Variants in GK5 observed in about 807,000 individuals in gnomAD.
GK5 encodes the protein glycerol kinase 5, also known as ATP:glycerol 3-phosphotransferase 5.
GK5 carries 39 observed loss-of-function variants against 77.3 expected under a neutral mutation model. That is an observed-to-expected ratio of 0.50 (90% CI 0.39 to 0.66). The LOEUF (loss-of-function observed/expected upper bound fraction) is 0.66. GK5 is among the 30% of genes least tolerant of loss of function. The probability of loss-of-function intolerance (pLI) is 0.00; values close to 1 mark genes in which losing one functional copy is unlikely to be tolerated. For missense variants in GK5, 487 were observed against 633.8 expected (o/e 0.77, Z 2.49); for synonymous variants, 211 against 208.0 (o/e 1.01, Z -0.13).
At position 142,160,426 on chromosome 3, in the gene GK5, A is replaced by G. The variant is rs1169326302; in HGVS notation, c.*5196T>C. ...ACTTAAAGTCAAAGAACTCCAGGGT[A>G]TATCTACATCTCTCCTCAAATAATT... On this transcript the variant is annotated 3_prime_UTR_variant, in exon 16 of 16. Coordinates refer to ENST00000392993, the MANE Select transcript of GK5 (RefSeq NM_001039547.3). The G allele has an allele frequency of 3.3e-5, 5 of 152,230 alleles. No individual in the cohort carries two copies. Among genetic ancestry groups the G allele is most frequent in the Non-Finnish European group, 7.3e-5 (5 of 68,044 alleles). 9.4% of individuals were successfully genotyped at this position (152,230 alleles called of 1,614,324 possible).
chr3:142,224,620 A>G (rs1042662039), intron 1 of GK5, among the ~76,000 whole-genome samples: 3 of 152,172 alleles, frequency 2.0e-5, no homozygotes, highest in Non-Finnish European at 4.4e-5. Flanking sequence ...GGAAATAAAG[A>G]ATTTTATGAA....
chr3:142,220,058 C>A (rs773124688), intron 1 of GK5, among the ~76,000 whole-genome samples: 2 of 152,206 alleles, frequency 1.3e-5, no homozygotes, highest in Non-Finnish European at 2.9e-5. Context: ...CAATTCCTCC[C>A]AGTCTATTAA....
chr3:142,185,642 TA>T (rs1252006288), intron 9 of GK5: 20 of 1,198,700 alleles, frequency 1.7e-5, no homozygotes, highest in Admixed American at 1.1e-4. Flanking sequence ...CACTCAGAAT[TA>T]AAAAAAATTT....
chr3:142,214,604 G>C (rs557987285), intron 2 of GK5, among the ~76,000 whole-genome samples: 1 of 152,316 alleles, frequency 6.6e-6, no homozygotes, highest in South Asian at 2.1e-4. Flanking sequence ...AAACTGGCTT[G>C]TACTTTTGAA....
At position 142,170,434 on chromosome 3, in the gene GK5, A is replaced by G; in HGVS notation, c.1332T>C (p.Asn444=). The G allele has an allele frequency of 6.2e-7, 1 of 1,613,390 alleles. No individual in the cohort carries two copies. Among genetic ancestry groups the G allele is most frequent in the Admixed American group, 1.7e-5 (1 of 60,022 alleles). ...CTGAAGTCATCTGCATGACAAAACC[A>G]TTCTTACAAACTCCTCCATCTGCCC... ...KIRADGGVCK[N]GFVMQMTSDL... Residue 444 remains asparagine, a synonymous_variant, in exon 15 of 16, where the codon AAT becomes AAC. Transcript: ENST00000392993.
chr3:142,171,499 C>A, intron 13 of GK5, 21 bp from the exon 14 acceptor site: 1 of 1,373,082 alleles, frequency 7.3e-7, no homozygotes, highest in Non-Finnish European at 9.8e-7. Flanking sequence ...AACAAGATAA[C>A]TATTTATAAG....
chr3:142,195,642 A>G (rs2063923995), intron 5 of GK5, among the ~76,000 whole-genome samples: 2 of 152,194 alleles, frequency 1.3e-5, no homozygotes, highest in Non-Finnish European at 1.5e-5. Flanking sequence ...ATGAGCCACC[A>G]CACCCAGCCT....
At chr3:142,204,402 T>C (rs937601436) in intron 4 of GK5, 16 of 396,560 alleles carry the variant, frequency 4.0e-5, no homozygotes, top group Non-Finnish European at 5.7e-5. Context: ...AATTTGGGCA[T>C]TTCATTCATC....
Position 142,182,968 on chromosome 3 carries a change from A to G in GK5, c.898T>C (p.Phe300Leu). ...CTATTTCCAGTGTTAATATCCAAAA[A>G]TGTCCCAGTTCCCATGGTTAATTTC... ...DVKLTMGTGT[F>L]LDINTGNSLQ... The change falls in exon 10 of 16, where the codon TTT becomes CTT. Residue 300 changes from phenylalanine (F) to leucine (L), a missense_variant. Coordinates refer to ENST00000392993, the MANE Select transcript of GK5 (RefSeq NM_001039547.3). 1 of 1,612,950 alleles carries G rather than the reference A, an allele frequency of 6.2e-7. No homozygotes were observed. The highest frequency in any genetic ancestry group is 8.5e-7 in the Non-Finnish European group (1 of 1,178,978).
chr3:142,205,168 T>C (rs1304467492), intron 3 of GK5, among the ~76,000 whole-genome samples: 1 of 152,226 alleles, frequency 6.6e-6, no homozygotes, highest in Non-Finnish European at 1.5e-5. Context: ...TGCCTGAGCC[T>C]AGTTCTACAT....
Position 142,164,356 on chromosome 3 carries a change from A to G in GK5, c.*1266T>C, listed in dbSNP as rs1442754769. 1 of 152,220 alleles carries G rather than the reference A, an allele frequency of 6.6e-6. No individual in the cohort carries two copies. The highest frequency in any genetic ancestry group is 1.5e-5 in the Non-Finnish European group (1 of 68,052). 9.4% of individuals were successfully genotyped at this position (152,220 alleles called of 1,614,324 possible). A position where few individuals can be genotyped will look rare whatever the true frequency, so the allele number is the denominator to read the frequency against. Reference sequence around the variant, plus strand: ...TAAAGTCATTATTGCTGCAAATCCAAATGGAACCTAACCCAAATGTAGGGA... The same window carrying G: ...TAAAGTCATTATTGCTGCAAATCCAGATGGAACCTAACCCAAATGTAGGGA... On this transcript the variant is annotated 3_prime_UTR_variant, in exon 16 of 16. Transcript: ENST00000392993.
intron 11 of GK5, among the ~76,000 whole-genome samples, chr3:142,180,040 T>C (rs1393133183): frequency 6.6e-6 from 1 of 152,178 alleles, no homozygotes; most frequent in Non-Finnish European, 1.5e-5. Flanking sequence ...TTCTCATTTT[T>C]TGTTTTCTTT....
chr3:142,221,438 C>G (rs975356590), intron 1 of GK5, among the ~76,000 whole-genome samples: 1 of 152,152 alleles, frequency 6.6e-6, no homozygotes, highest in East Asian at 1.9e-4. Flanking sequence ...TGTCACATAC[C>G]ATCCCCAAAC....
intron 3 of GK5, among the ~76,000 whole-genome samples, chr3:142,209,041 C>T (rs996415570): frequency 1.6e-4 from 24 of 151,736 alleles, no homozygotes; most frequent in Admixed American, 1.3e-3. Flanking sequence ...CCCAGCTCCT[C>T]GGGAGGCTGA....
chr3:142,201,725 C>A lies in GK5; in HGVS notation c.412-2792G>T, dbSNP rs143422829. On this transcript the variant is annotated intron_variant, in intron 4 of 15. Coordinates refer to ENST00000392993, the MANE Select transcript of GK5 (RefSeq NM_001039547.3). The stretch of plus-strand genomic sequence containing the variant: ...TTATGGATTGTATTAATGTCAATGT[C>A]CTGGTTGTGATGTTATACTATAGTT... Among the ~76,000 whole-genome samples, 852 of 152,182 alleles carry A rather than the reference C, an allele frequency of 5.6e-3. 10 individuals carry two copies. The highest frequency in any genetic ancestry group is 0.02 in the African/African-American group (811 of 41,514).
intron 4 of GK5, among the ~76,000 whole-genome samples, chr3:142,202,919 A>AAAAC (rs1401361254): frequency 2.0e-5 from 3 of 152,232 alleles, no homozygotes; most frequent in East Asian, 1.9e-4. Flanking sequence ...ACTCCATCTC[A>AAAAC]AAACAAACAA....
At chr3:142,197,080 G>A (rs1367538705) in intron 5 of GK5, among the ~76,000 whole-genome samples, 2 of 152,018 alleles carry the variant, frequency 1.3e-5, no homozygotes, top group African/African-American at 2.4e-5. Flanking sequence ...CCAGCTACTC[G>A]GGAGGCTGAG....
chr3:142,182,029 T>C (rs1246834845), intron 10 of GK5, among the ~76,000 whole-genome samples: 2 of 152,194 alleles, frequency 1.3e-5, no homozygotes, highest in African/African-American at 4.8e-5. Flanking sequence ...AACAATCTAA[T>C]AGAATTATCA....
intron 11 of GK5, among the ~76,000 whole-genome samples, chr3:142,178,619 A>G (rs540322802): frequency 4.6e-5 from 7 of 152,190 alleles, no homozygotes; most frequent in Non-Finnish European, 1.0e-4. Flanking sequence ...TCACCTCTAT[A>G]TAGTATTCTA....
Sources: allele counts gnomAD v4.1 joint callset (sites outside exome capture counted in the v4.1 genomes callset), GRCh38; gene constraint gnomAD v4.1.1; transcripts MANE v1.5; gene names NCBI Gene and HGNC (gene_info 2026-07-23, HGNC 2026-07-21).